CADM2: variants seen among roughly 807,000 people sequenced by gnomAD.
CADM2 encodes cell adhesion molecule 2, also known as immunoglobulin superfamily member 4D.
A neutral mutation model predicts 49.8 loss-of-function variants in CADM2; 12 were observed. The observed-to-expected ratio is 0.24, with a 90% CI of 0.15 to 0.39. CADM2 has a LOEUF of 0.39. Among genes scored for constraint, CADM2 ranks in the 10% least tolerant of loss-of-function variants. The pLI is 1.00. For synonymous variants in CADM2, 214 were observed against 175.4 expected, an observed-to-expected ratio of 1.22 and a Z score of -1.74; for missense variants, 378 against 492.3, an observed-to-expected ratio of 0.77 and a Z score of 2.20.
At chr3:85,585,693 G>C (rs928188993) in intron 1 of CADM2, among the ~76,000 whole-genome samples, 7 of 152,012 alleles carry the variant, frequency 4.6e-5, no homozygotes, top group African/African-American at 1.7e-4. Context: ...TAGGAGATCT[G>C]TGTTCTAAAA....
At chr3:85,694,324 G>C (rs1357908537) in intron 1 of CADM2, among the ~76,000 whole-genome samples, 1 of 152,186 alleles carries the variant, frequency 6.6e-6, no homozygotes, top group African/African-American at 2.4e-5. Flanking sequence ...GAGCCTAATG[G>C]AATAGGACTT....
intron 8 of CADM2, among the ~76,000 whole-genome samples, chr3:85,972,600 T>C (rs1726289317): frequency 6.6e-6 from 1 of 151,798 alleles, no homozygotes; most frequent in Admixed American, 6.6e-5. Flanking sequence ...GACTTAATTT[T>C]GTTTCGAAAA....
At chr3:85,838,411 T>C (rs933191407) in intron 3 of CADM2, among the ~76,000 whole-genome samples, 16 of 151,810 alleles carry the variant, frequency 1.1e-4, no homozygotes, top group African/African-American at 3.1e-4. Context: ...TTGGAGCTCT[T>C]CTAAACACAG....
chr3:85,620,621 T>A (rs1003231767), intron 1 of CADM2, among the ~76,000 whole-genome samples: 1 of 152,094 alleles, frequency 6.6e-6, no homozygotes, highest in African/African-American at 2.4e-5. Context: ...GACAGTATTT[T>A]TAAAAAATCA....
chr3:85,121,959 A>G (rs1056489027), intron 1 of CADM2, among the ~76,000 whole-genome samples: 1 of 151,882 alleles, frequency 6.6e-6, no homozygotes, highest in African/African-American at 2.4e-5. Context: ...TTCACAGGAG[A>G]TGAGGTGCTC....
chr3:86,051,256 C>G (rs1439882555), intron 8 of CADM2, among the ~76,000 whole-genome samples: 1 of 152,132 alleles, frequency 6.6e-6, no homozygotes, highest in Non-Finnish European at 1.5e-5. Flanking sequence ...CAGCCAGTTT[C>G]TTTGCTAACA....
At chr3:85,581,438 A>G (rs1046616966) in intron 1 of CADM2, among the ~76,000 whole-genome samples, 18 of 151,746 alleles carry the variant, frequency 1.2e-4, no homozygotes, top group African/African-American at 4.4e-4. Flanking sequence ...GTTTCAAGAA[A>G]AAAAAAAAAA....
chr3:85,990,301 G>T (rs1240856733), intron 8 of CADM2, among the ~76,000 whole-genome samples: 1 of 152,078 alleles, frequency 6.6e-6, no homozygotes, highest in Non-Finnish European at 1.5e-5. Context: ...TAAGCTTTGG[G>T]TTAGATCATT....
rs142559528 is a variant in CADM2 at position 85,966,723 on chromosome 3, C to T, written c.970+5076C>T. Among the ~76,000 whole-genome samples the T allele has an allele frequency of 9.2e-5, 14 of 151,660 alleles. No individual in the cohort carries two copies. In the South Asian group the frequency reaches 1.5e-3, roughly 16 times the overall value. On this transcript the variant is annotated intron_variant, in intron 8 of 9. Coordinates refer to ENST00000383699, the MANE Select transcript of CADM2 (RefSeq NM_001167675.2). ...TTCTGTCCTGCTAATAAGCTTATCACGATTTCTGATAATCTTAGTCTCTCT... is the reference window on the plus strand; with the variant it reads ...TTCTGTCCTGCTAATAAGCTTATCATGATTTCTGATAATCTTAGTCTCTCT...
intron 1 of CADM2, among the ~76,000 whole-genome samples, chr3:85,624,346 T>G (rs921902636): frequency 6.6e-6 from 1 of 152,140 alleles, no homozygotes; most frequent in Admixed American, 6.6e-5. Context: ...TTTTTAATTT[T>G]TTTTGAGATG....
intron 6 of CADM2, among the ~76,000 whole-genome samples, chr3:85,922,331 T>G (rs941843932): frequency 6.6e-6 from 1 of 152,076 alleles, no homozygotes; most frequent in African/African-American, 2.4e-5. Context: ...ATATTAAACT[T>G]TATTAATCCT....
chr3:85,715,674 G>C (rs1006652536), intron 1 of CADM2, among the ~76,000 whole-genome samples: 3 of 152,016 alleles, frequency 2.0e-5, no homozygotes, highest in African/African-American at 7.3e-5. Flanking sequence ...CCCGCTGACA[G>C]ACCCCAGTGT....
chr3:85,261,024 G>T (rs2043003823), intron 1 of CADM2, among the ~76,000 whole-genome samples: 3 of 152,066 alleles, frequency 2.0e-5, no homozygotes, highest in Admixed American at 2.0e-4. Flanking sequence ...AGAAAAATAT[G>T]TGTCTTATTT....
chr3:86,018,199 A>G (rs1157840013), intron 8 of CADM2, among the ~76,000 whole-genome samples: 1 of 123,620 alleles, frequency 8.1e-6, no homozygotes, highest in Non-Finnish European at 1.7e-5. Context: ...CCTACAAAGG[A>G]CATGAACTCA....
chr3:85,218,324 G>C (rs1319877130), intron 1 of CADM2, among the ~76,000 whole-genome samples: 2 of 152,094 alleles, frequency 1.3e-5, no homozygotes, highest in Non-Finnish European at 2.9e-5. Flanking sequence ...TGTTATAAAA[G>C]ATTTTGAGAA....
chr3:85,559,688 A>C (rs1486760863), intron 1 of CADM2, among the ~76,000 whole-genome samples: 1 of 58,068 alleles, frequency 1.7e-5, no homozygotes, highest in Admixed American at 2.1e-4. Flanking sequence ...ACACACACAC[A>C]TATATATATA....
At chr3:85,768,717 CATATAGTAT>C (rs2069812986) in intron 2 of CADM2, among the ~76,000 whole-genome samples, 2 of 142,312 alleles carry the variant, frequency 1.4e-5, no homozygotes, top group East Asian at 4.1e-4. Context: ...CATATACACA[CATATAGTAT>C]ATATACACAT....
At chr3:85,251,407 A>G (rs183604343) in intron 1 of CADM2, among the ~76,000 whole-genome samples, 2 of 151,906 alleles carry the variant, frequency 1.3e-5, no homozygotes, top group Non-Finnish European at 2.9e-5. Context: ...TTTGATTTAA[A>G]TGTGTCACAT....
rs1185540133 is a variant in CADM2 at position 86,048,737 on chromosome 3, C to T, written c.971-16868C>T. The stretch of plus-strand genomic sequence containing the variant: ...TGTTTCCATTGACATGACATAACTA[C>T]TGTTATCTCCAATAAGTTTACATTG... On this transcript the variant is annotated intron_variant, in intron 8 of 9. Coordinates refer to ENST00000383699, the MANE Select transcript of CADM2 (RefSeq NM_001167675.2). 4.6e-5 allele frequency among the ~76,000 whole-genome samples: 7 copies of T among 152,196 alleles called. No homozygotes were observed. In the South Asian group the frequency reaches 1.2e-3, roughly 27 times the overall value.
Sources: allele counts gnomAD v4.1 joint callset (sites outside exome capture counted in the v4.1 genomes callset), GRCh38; gene constraint gnomAD v4.1.1; transcripts MANE v1.5; gene names NCBI Gene and HGNC (gene_info 2026-07-23, HGNC 2026-07-21).